The following NAV3 variants were observed in gnomAD, a reference collection of about 807,000 sequenced individuals.
The protein encoded by NAV3 is neuron navigator 3.
Under a neutral mutation model 244.7 loss-of-function variants are expected in NAV3, and 87 were observed. The observed-to-expected ratio is 0.36, with a 90% CI of 0.30 to 0.42. The LOEUF is 0.42. Ranked by LOEUF, NAV3 falls within the 20% of genes least tolerant of loss-of-function variation. The probability of loss-of-function intolerance (pLI) is 1.00; values close to 1 mark genes in which losing one functional copy is unlikely to be tolerated. For missense variants in NAV3, 2,663 were observed against 2,893.3 expected (o/e 0.92, Z 1.83); for synonymous variants, 1,126 against 1,042.2 (o/e 1.08, Z -1.55).
chr12:78,018,674 A>G (rs1261920965), intron 8 of NAV3, among the ~76,000 whole-genome samples: 1 of 152,224 alleles, frequency 6.6e-6, no homozygotes, highest in African/African-American at 2.4e-5. Context: ...ACTAGAGGTC[A>G]ACCCTGGCTC....
intron 1 of NAV3, among the ~76,000 whole-genome samples, chr12:77,872,478 CTTGAAGGG>C (rs908063465): frequency 6.6e-5 from 10 of 152,198 alleles, no homozygotes; most frequent in African/African-American, 2.4e-4. Context: ...AAAAGTGAAC[CTTGAAGGG>C]TTGGTGTTTG....
At chr12:78,056,018 C>A (rs566793290) in intron 11 of NAV3, among the ~76,000 whole-genome samples, 1 of 152,318 alleles carries the variant, frequency 6.6e-6, no homozygotes, top group South Asian at 2.1e-4. Context: ...GATAGTCTCA[C>A]AAATGAGTCC....
intron 2 of NAV3, among the ~76,000 whole-genome samples, chr12:77,700,295 T>G (rs1458237747): frequency 6.6e-6 from 1 of 152,138 alleles, no homozygotes; most frequent in Non-Finnish European, 1.5e-5. Flanking sequence ...ATGTGCTGTA[T>G]TCACAAAATA....
intron 2 of NAV3, among the ~76,000 whole-genome samples, chr12:77,659,975 G>A (rs1163828406): frequency 7.1e-6 from 1 of 141,670 alleles, no homozygotes; most frequent in Non-Finnish European, 1.5e-5. Context: ...AGGGGGAGGG[G>A]GGAGGGATAG....
intron 2 of NAV3, among the ~76,000 whole-genome samples, chr12:77,784,428 A>G (rs1870812193): frequency 3.9e-5 from 6 of 152,228 alleles, no homozygotes; most frequent in Non-Finnish European, 8.8e-5. Flanking sequence ...GAAGGCAACC[A>G]AAAGCCAAAG....
intron 34 of NAV3, among the ~76,000 whole-genome samples, chr12:78,193,063 G>A (rs1959053718): frequency 6.6e-6 from 1 of 152,194 alleles, no homozygotes. Flanking sequence ...ACCTGGAGCT[G>A]TGTAAATGCT....
chr12:77,974,017 A>C (rs1893239163), intron 5 of NAV3, among the ~76,000 whole-genome samples: 1 of 152,096 alleles, frequency 6.6e-6, no homozygotes, highest in African/African-American at 2.4e-5. Context: ...TTGGAAACCA[A>C]GAGTATGTAA....
intron 2 of NAV3, among the ~76,000 whole-genome samples, chr12:77,694,547 C>A (rs1036420324): frequency 6.6e-6 from 1 of 151,828 alleles, no homozygotes; most frequent in Admixed American, 6.6e-5. Flanking sequence ...CCTTAACAAC[C>A]AAGTTCAGTG....
chr12:77,645,543 A>AAAC (rs1872575883), intron 2 of NAV3, among the ~76,000 whole-genome samples: 5 of 150,980 alleles, frequency 3.3e-5, no homozygotes, highest in Middle Eastern at 3.4e-3. Context: ...CTCTAAAAAA[A>AAAC]AAAAAAAAAA....
chr12:78,175,441 C>T lies in NAV3; in HGVS notation c.5103+14C>T, dbSNP rs2139652406. ...AAGAAAAACTGGGTAAGTTACCATC[C>T]TTCATCTAATTCAGAAGCTTATTAA... On this transcript the variant is annotated intron_variant, in intron 25 of 39. Coordinates refer to ENST00000397909, the MANE Select transcript of NAV3 (RefSeq NM_001024383.2). 6.2e-6 allele frequency: 10 copies of T among 1,605,932 alleles called. No individual in the cohort carries two copies. The highest frequency in any genetic ancestry group is 8.5e-6 in the Non-Finnish European group (10 of 1,176,816).
intron 9 of NAV3, 27 bp downstream of exon 9, chr12:78,021,889 CA>C (rs1877217587): frequency 7.0e-7 from 1 of 1,419,582 alleles, no homozygotes; most frequent in African/African-American, 1.4e-5. Flanking sequence ...ATGCATAGGT[CA>C]AACCTAGGAA....
chr12:77,663,650 T>A (rs1873578593), intron 2 of NAV3, among the ~76,000 whole-genome samples: 1 of 152,096 alleles, frequency 6.6e-6, no homozygotes, highest in Non-Finnish European at 1.5e-5. Context: ...GCCTCCCAAG[T>A]AGCTGGAATT....
intron 2 of NAV3, among the ~76,000 whole-genome samples, chr12:77,712,242 C>T (rs12810053): frequency 6.6e-6 from 1 of 152,124 alleles, no homozygotes; most frequent in Admixed American, 6.5e-5. Flanking sequence ...CAGAGAGAGA[C>T]AGCAAAAACA....
chr12:77,812,840 G>A (rs541096079), intron 2 of NAV3, among the ~76,000 whole-genome samples: 1 of 151,174 alleles, frequency 6.6e-6, no homozygotes, highest in East Asian at 2.0e-4. Flanking sequence ...TAATTAATTA[G>A]TTTAGAGACA....
intron 2 of NAV3, among the ~76,000 whole-genome samples, chr12:77,795,240 G>A (rs959466575): frequency 6.6e-6 from 1 of 152,160 alleles, no homozygotes. Context: ...TGCTGGTCTA[G>A]ATAGATCAAA....
intron 2 of NAV3, among the ~76,000 whole-genome samples, chr12:77,674,739 A>G (rs1413211314): frequency 6.6e-6 from 1 of 152,204 alleles, no homozygotes; most frequent in Non-Finnish European, 1.5e-5. Context: ...ACATGCATTT[A>G]TATCCATGCA....
intron 5 of NAV3, among the ~76,000 whole-genome samples, chr12:77,976,911 A>G (rs777822699): frequency 1.3e-4 from 20 of 151,810 alleles, no homozygotes; most frequent in Non-Finnish European, 2.4e-4. Context: ...TCTTGACCTC[A>G]TGATCTGCCT....
chr12:77,653,496 A>G (rs1872924119), intron 2 of NAV3, among the ~76,000 whole-genome samples: 1 of 152,262 alleles, frequency 6.6e-6, no homozygotes, highest in Non-Finnish European at 1.5e-5. Flanking sequence ...CATAGTTCTA[A>G]TTGGATTTGA....
rs549440064 is a variant in NAV3, at chr12:77,900,202, G to A, written c.244-40117G>A. Among the ~76,000 whole-genome samples the A allele has an allele frequency of 8.3e-3, 1,257 of 151,274 alleles. 18 individuals are homozygous for A. The highest frequency in any genetic ancestry group is 0.029 in the African/African-American group (1,198 of 41,196). ...CGCCATTCTCCTGCCTCAGCCTCCC[G>A]AGTAGCTGGGACTACAGGCGCCCGC... On this transcript the variant is annotated intron_variant, in intron 1 of 39. Coordinates refer to ENST00000397909, the MANE Select transcript of NAV3 (RefSeq NM_001024383.2).
Sources: gnomAD v4.1 joint callset for allele counts (sites outside exome capture counted in the v4.1 genomes callset) on GRCh38, gnomAD v4.1.1 for gene constraint, MANE v1.5 for transcripts, NCBI Gene and HGNC (gene_info 2026-07-23, HGNC 2026-07-21) for gene names.